ADARB2: variants seen among roughly 807,000 people sequenced by gnomAD.
The protein encoded by ADARB2 is adenosine deaminase RNA specific B2 (inactive), also known as inactive double-stranded RNA-specific editase B2.
ADARB2 carries 25 observed loss-of-function variants against 62.2 expected under a neutral mutation model. That is an observed-to-expected ratio of 0.40 (90% CI 0.29 to 0.56). The LOEUF is 0.56. ADARB2 is among the 20% of genes least tolerant of loss of function. The pLI, the probability that ADARB2 is intolerant of heterozygous loss-of-function variation, is 0.43. For missense variants in ADARB2, 1,071 were observed against 1,077.4 expected (o/e 0.99, Z 0.08); for synonymous variants, 572 against 500.8 (o/e 1.14, Z -1.90).
At chr10:1,735,778 A>C (rs1835292339) in intron 1 of ADARB2, among the ~76,000 whole-genome samples, 2 of 152,224 alleles carry the variant, frequency 1.3e-5, no homozygotes, top group South Asian at 4.1e-4. Flanking sequence ...TGTGGGGGCC[A>C]ATCCCTCCCA....
intron 6 of ADARB2, among the ~76,000 whole-genome samples, chr10:1,228,477 G>C (rs896447767): frequency 2.6e-5 from 4 of 152,178 alleles, no homozygotes; most frequent in African/African-American, 9.7e-5. Flanking sequence ...CGTCGCCCTC[G>C]TGAGTCTGTG....
At chr10:1,381,279 A>G (rs1245381473) in intron 1 of ADARB2, among the ~76,000 whole-genome samples, 2 of 152,250 alleles carry the variant, frequency 1.3e-5, no homozygotes, top group South Asian at 2.1e-4. Flanking sequence ...TCCAAGGAAG[A>G]TGTACTAATG....
At chr10:1,580,089 G>T (rs11816709) in intron 1 of ADARB2, among the ~76,000 whole-genome samples, 77,155 of 152,064 alleles carry the variant, frequency 0.51, 20,026 homozygotes, top group East Asian at 0.64. Flanking sequence ...TGTCTATGCT[G>T]TGTGCCAGAT....
chr10:1,378,768 T>C (rs3793734), intron 2 of ADARB2, among the ~76,000 whole-genome samples: 58,026 of 151,926 alleles, frequency 0.38, 11,660 homozygotes, highest in Non-Finnish European at 0.45. Context: ...CAGGTTACAG[T>C]AGGACTCCAG....
intron 1 of ADARB2, among the ~76,000 whole-genome samples, chr10:1,543,803 T>C (rs1832474669): frequency 6.6e-6 from 1 of 152,124 alleles, no homozygotes; most frequent in Non-Finnish European, 1.5e-5. Context: ...GGCCCGCTTA[T>C]TAGTGCAACA....
intron 3 of ADARB2, among the ~76,000 whole-genome samples, chr10:1,338,732 T>G (rs1831996198): frequency 6.6e-6 from 1 of 152,150 alleles, no homozygotes; most frequent in African/African-American, 2.4e-5. Flanking sequence ...GCATGGTGGA[T>G]AGAGAGGTGG....
rs1247803463 is a variant in ADARB2, at chr10:1,215,131, CT to C, written c.1682+1819del. ...CCCTGTGTCCCCTGATGTCACCCCC[CT>C]GACCTCCAGCCCCTTGGGTTTTGTG... On this transcript the variant is annotated intron_variant, in intron 7 of 9. Transcript: ENST00000381312. Among the ~76,000 whole-genome samples the C allele has an allele frequency of 3.9e-5, 6 of 152,328 alleles. 1 individual carries two copies. In the East Asian group the frequency reaches 9.7e-4, roughly 25 times the overall value.
In ADARB2 at chr10:1,469,599, T is replaced by C. The variant is rs186451951; in HGVS notation, c.101-90439A>G. On this transcript the variant is annotated intron_variant, in intron 1 of 9. Coordinates refer to ENST00000381312, the MANE Select transcript of ADARB2 (RefSeq NM_018702.4). ...ACCATCCAGAAATCAGTTTATTGAATTGGTTGATTTGATGTTAGTTGTCGT... is the reference window on the plus strand; with the variant it reads ...ACCATCCAGAAATCAGTTTATTGAACTGGTTGATTTGATGTTAGTTGTCGT... 3.6e-4 allele frequency among the ~76,000 whole-genome samples: 55 copies of C among 152,310 alleles called. 1 individual carries two copies. The highest frequency in any genetic ancestry group is 1.2e-3 in the African/African-American group (49 of 41,576).
At chr10:1,221,929 C>A (rs929112052) in intron 6 of ADARB2, among the ~76,000 whole-genome samples, 26 of 152,242 alleles carry the variant, frequency 1.7e-4, no homozygotes, top group East Asian at 1.5e-3. Context: ...TGGGTATATA[C>A]CCAGTAATGG....
At chr10:1,286,450 C>T (rs990881105) in intron 3 of ADARB2, among the ~76,000 whole-genome samples, 4 of 152,192 alleles carry the variant, frequency 2.6e-5, no homozygotes, top group Non-Finnish European at 4.4e-5. Flanking sequence ...AACCGATGTC[C>T]AACCAAATAG....
At chr10:1,327,395 TGCACAGCGCCTCCC>T (rs1831875519) in intron 3 of ADARB2, among the ~76,000 whole-genome samples, 1 of 47,660 alleles carries the variant, frequency 2.1e-5, no homozygotes, top group Non-Finnish European at 4.0e-5. Flanking sequence ...GCCTCCCCAC[TGCACAGCGCCTCCC>T]CACTGCCCAG....
chr10:1,250,469 C>T (rs917756173), intron 4 of ADARB2, among the ~76,000 whole-genome samples: 3 of 152,162 alleles, frequency 2.0e-5, no homozygotes, highest in East Asian at 3.9e-4. Flanking sequence ...AATGAAGCCA[C>T]GATGTCCCTT....
intron 1 of ADARB2, among the ~76,000 whole-genome samples, chr10:1,419,502 A>G (rs1362449356): frequency 6.6e-6 from 1 of 152,298 alleles, no homozygotes; most frequent in South Asian, 2.1e-4. Context: ...ATGCTCCCCT[A>G]TGTAAACCGA....
In ADARB2 at chr10:1,282,733, A is replaced by AT. The variant is rs145279422; in HGVS notation, c.1078-11665dup. ...TCAAAAATAAGCTTGTGCCTGATTA[A>AT]TTTTTTGCATGCAAATTACAGAATA... is the stretch of plus-strand genomic sequence containing the variant. On this transcript the variant is annotated intron_variant, in intron 3 of 9. Coordinates refer to ENST00000381312, the MANE Select transcript of ADARB2 (RefSeq NM_018702.4). Among the ~76,000 whole-genome samples, 336 of 152,292 alleles carry AT rather than the reference A, an allele frequency of 2.2e-3. 2 individuals are homozygous for AT. Among genetic ancestry groups the AT allele is most frequent in the African/African-American group, 7.6e-3 (315 of 41,554 alleles).
intron 4 of ADARB2, among the ~76,000 whole-genome samples, chr10:1,267,780 C>T (rs1374721723): frequency 6.6e-6 from 1 of 152,232 alleles, no homozygotes; most frequent in Non-Finnish European, 1.5e-5. Context: ...GGCAGCCAGG[C>T]TCCCTTCCCA....
chr10:1,695,424 T>A (rs1834726544), intron 1 of ADARB2, among the ~76,000 whole-genome samples: 1 of 152,208 alleles, frequency 6.6e-6, no homozygotes, highest in African/African-American at 2.4e-5. Context: ...GTTTTCTTCC[T>A]TTTACCTCAA....
chr10:1,679,952 C>T (rs1264463035), intron 1 of ADARB2, among the ~76,000 whole-genome samples: 1 of 152,138 alleles, frequency 6.6e-6, no homozygotes, highest in African/African-American at 2.4e-5. Flanking sequence ...AGCTCCCTTC[C>T]CACAGACTCC....
At chr10:1,217,940 T>G (rs1331988960) in intron 6 of ADARB2, among the ~76,000 whole-genome samples, 1 of 152,174 alleles carries the variant, frequency 6.6e-6, no homozygotes, top group Non-Finnish European at 1.5e-5. Flanking sequence ...AGGGTCCCCT[T>G]GACACCCCCC....
chr10:1,353,014 T>C (rs1443757688), intron 3 of ADARB2, among the ~76,000 whole-genome samples: 1 of 152,186 alleles, frequency 6.6e-6, no homozygotes, highest in African/African-American at 2.4e-5. Flanking sequence ...TTAGAACCTC[T>C]CATTTCCTTT....
Sources: allele counts gnomAD v4.1 joint callset (sites outside exome capture counted in the v4.1 genomes callset), GRCh38; gene constraint gnomAD v4.1.1; transcripts MANE v1.5; gene names NCBI Gene and HGNC (gene_info 2026-07-23, HGNC 2026-07-21).